Variants in DCDC1 observed in about 807,000 individuals in gnomAD.
DCDC1 encodes doublecortin domain-containing protein 1.
In DCDC1, 200 loss-of-function variants were observed where a neutral mutation model predicts 178.3. The ratio of observed to expected loss-of-function variants is 1.12; its 90% CI spans 1.00 to 1.26. The LOEUF (loss-of-function observed/expected upper bound fraction) is 1.26. Among genes scored for constraint, DCDC1 ranks in the 50% most tolerant of loss-of-function variants. The pLI is 0.00. For synonymous variants in DCDC1, 690 were observed against 604.8 expected (o/e 1.14, Z -2.07); for missense variants, 1,983 against 1,749.2 (o/e 1.13, Z -2.38).
At chr11:31,040,457 G>T (rs1326658639) in intron 20 of DCDC1, among the ~76,000 whole-genome samples, 1 of 152,108 alleles carries the variant, frequency 6.6e-6, no homozygotes, top group East Asian at 1.9e-4. Flanking sequence ...TGTGGGAACC[G>T]CTGTTATAGT....
At chr11:31,036,347 T>C (rs1342425235) in intron 20 of DCDC1, among the ~76,000 whole-genome samples, 2 of 152,210 alleles carry the variant, frequency 1.3e-5, no homozygotes, top group Non-Finnish European at 2.9e-5. Context: ...TCACTGCTCA[T>C]TTTTCTCATT....
At chr11:30,977,635 A>G (rs1950172462) in intron 20 of DCDC1, among the ~76,000 whole-genome samples, 1 of 152,176 alleles carries the variant, frequency 6.6e-6, no homozygotes, top group Admixed American at 6.5e-5. Flanking sequence ...AGACATTTAG[A>G]AAGGTTATTG....
intron 20 of DCDC1, among the ~76,000 whole-genome samples, chr11:31,034,381 G>A (rs1353087597): frequency 6.6e-5 from 10 of 152,024 alleles, no homozygotes; most frequent in South Asian, 2.1e-4. Context: ...CTAAGTGAAC[G>A]TTTATAAAGT....
Position 31,307,816 on chromosome 11 carries a change from G to A in DCDC1, c.257C>T (p.Ala86Val). 1 of 1,614,154 alleles carries A rather than the reference G, an allele frequency of 6.2e-7. No individual in the cohort carries two copies. The highest frequency in any genetic ancestry group is 8.5e-7 in the Non-Finnish European group (1 of 1,180,002). The part of the protein sequence containing the change: ...QFGPNRLVHS[A>V]AVSEGSGLQD... ...AAGTCCTGACCCTTCTGATACTGCT[G>A]CTGAATGCACGAGTCTGTTGGGGCC... Residue 86 changes from alanine (A) to valine (V), a missense_variant, in exon 4 of 39, where the codon GCA becomes GTA. Physicochemically the swap from Ala to Val is moderately conservative, Grantham distance 64 (BLOSUM62 0). Transcript: ENST00000684477.
chr11:31,340,613 T>C (rs1459480306), intron 1 of DCDC1, among the ~76,000 whole-genome samples: 1 of 151,740 alleles, frequency 6.6e-6, no homozygotes, highest in Non-Finnish European at 1.5e-5. Context: ...AGACTCTGAG[T>C]AAAGCAGTTT....
intron 20 of DCDC1, among the ~76,000 whole-genome samples, chr11:30,954,161 G>A (rs1284418541): frequency 6.6e-6 from 1 of 151,750 alleles, no homozygotes; most frequent in Non-Finnish European, 1.5e-5. Context: ...GACTACAGGC[G>A]CCTGCCACCA....
intron 1 of DCDC1, among the ~76,000 whole-genome samples, chr11:31,349,684 G>A (rs754310672): frequency 1.3e-5 from 2 of 151,898 alleles, no homozygotes; most frequent in East Asian, 1.9e-4. Flanking sequence ...TAAAACAAAG[G>A]TGTGGCCATA....
At chr11:30,888,020 AAGAG>A (rs567285985) in intron 36 of DCDC1, among the ~76,000 whole-genome samples, 8 of 141,706 alleles carry the variant, frequency 5.6e-5, no homozygotes, top group East Asian at 4.1e-4. Flanking sequence ...AAAAGAAAGA[AAGAG>A]AGAGAGAGAG....
At chr11:31,302,854 T>A (rs1034359711) in intron 6 of DCDC1, among the ~76,000 whole-genome samples, 1 of 152,240 alleles carries the variant, frequency 6.6e-6, no homozygotes, top group Non-Finnish European at 1.5e-5. Flanking sequence ...ATTTTCTCCA[T>A]CTACACTGCT....
At chr11:31,037,432 C>CTTTTT (rs398055131) in intron 20 of DCDC1, among the ~76,000 whole-genome samples, 3 of 58,908 alleles carry the variant, frequency 5.1e-5, no homozygotes, top group African/African-American at 1.3e-4. Flanking sequence ...ATATTTCTTT[C>CTTTTT]TTTTTTTTTT....
chr11:31,233,078 A>G (rs1251514437), intron 9 of DCDC1, among the ~76,000 whole-genome samples: 2 of 145,300 alleles, frequency 1.4e-5, no homozygotes, highest in African/African-American at 5.1e-5. Context: ...ATACAGTGAG[A>G]CTTCATCTCA....
intron 9 of DCDC1, among the ~76,000 whole-genome samples, chr11:31,168,706 C>G (rs966106887): frequency 6.6e-6 from 1 of 152,112 alleles, no homozygotes; most frequent in Admixed American, 6.6e-5. Flanking sequence ...GGAATCTCTT[C>G]GTATCACTAT....
At chr11:31,328,810 CAAAAA>C (rs11321441) in intron 2 of DCDC1, among the ~76,000 whole-genome samples, 3 of 61,572 alleles carry the variant, frequency 4.9e-5, no homozygotes, top group African/African-American at 4.6e-5. Context: ...GACTACATCT[CAAAAA>C]AAAAAAAAAA....
chr11:31,016,944 G>A (rs906238042), intron 20 of DCDC1, among the ~76,000 whole-genome samples: 8 of 152,196 alleles, frequency 5.3e-5, no homozygotes, highest in Non-Finnish European at 1.0e-4. Flanking sequence ...AAATGAACCC[G>A]AAATGCTCTG....
intron 3 of DCDC1, 33 bp downstream of exon 3, chr11:31,328,084 A>G: frequency 2.6e-6 from 4 of 1,566,990 alleles, no homozygotes. Flanking sequence ...CCCCTTCAGT[A>G]TTTAGTTTAA....
intron 38 of DCDC1, among the ~76,000 whole-genome samples, chr11:30,873,121 A>G (rs1214946024): frequency 6.9e-6 from 1 of 144,112 alleles, no homozygotes; most frequent in Admixed American, 6.9e-5. Context: ...CTCTCTCTCT[A>G]TCTTCTGCAT....
At chr11:31,122,905 C>T (rs1961021328) in intron 11 of DCDC1, among the ~76,000 whole-genome samples, 1 of 152,080 alleles carries the variant, frequency 6.6e-6, no homozygotes, top group Non-Finnish European at 1.5e-5. Context: ...TTTTCTGTCA[C>T]ATACTTAAAT....
chr11:31,110,974 T>TG (rs1446871527), intron 11 of DCDC1, among the ~76,000 whole-genome samples: 2 of 81,252 alleles, frequency 2.5e-5, no homozygotes, highest in East Asian at 2.2e-3. Context: ...TAACACTCGC[T>TG]GGGGAAAAAA....
At chr11:31,302,833 GTTC>G (rs958345282) in intron 6 of DCDC1, among the ~76,000 whole-genome samples, 8 of 148,430 alleles carry the variant, frequency 5.4e-5, no homozygotes, top group African/African-American at 2.0e-4. Context: ...TCTGGAAATC[GTTC>G]TTAGGCAATT....
Sources: allele counts gnomAD v4.1 joint callset (sites outside exome capture counted in the v4.1 genomes callset), GRCh38; gene constraint gnomAD v4.1.1; transcripts MANE v1.5; gene names NCBI Gene and HGNC (gene_info 2026-07-23, HGNC 2026-07-21).